DHX29: variants seen among roughly 807,000 people sequenced by gnomAD.
DHX29 encodes the protein ATP-dependent RNA helicase DHX29.
Under a neutral mutation model 167.9 loss-of-function variants are expected in DHX29, and 79 were observed. The ratio of observed to expected loss-of-function variants is 0.47; its 90% CI spans 0.39 to 0.57. The LOEUF is 0.57. DHX29 is among the 20% of genes least tolerant of loss of function. The pLI, the probability that DHX29 is intolerant of heterozygous loss-of-function variation, is 0.00. For synonymous variants in DHX29, 530 were observed against 546.0 expected (o/e 0.97, Z 0.41); for missense variants, 1,347 against 1,593.4 (o/e 0.85, Z 2.63).
intron 1 of DHX29, among the ~76,000 whole-genome samples, chr5:55,304,619 T>G (rs1229249424): frequency 3.3e-5 from 5 of 151,866 alleles, no homozygotes; most frequent in Admixed American, 6.6e-5. Flanking sequence ...TATGATGCCT[T>G]CCTTCCCTGA....
chr5:55,295,786 A>C (rs1424958485), intron 4 of DHX29, among the ~76,000 whole-genome samples: 3 of 152,180 alleles, frequency 2.0e-5, no homozygotes, highest in African/African-American at 7.2e-5. Flanking sequence ...AAATTGTCAT[A>C]AGATCTTAAT....
intron 1 of DHX29, among the ~76,000 whole-genome samples, chr5:55,306,259 A>C (rs949092518): frequency 5.3e-5 from 8 of 152,080 alleles, no homozygotes; most frequent in African/African-American, 1.4e-4. Flanking sequence ...GCGATGCTTT[A>C]TGTTCTGTGA....
chr5:55,293,772 T>G (rs985866863), intron 6 of DHX29, among the ~76,000 whole-genome samples: 3 of 152,222 alleles, frequency 2.0e-5, no homozygotes, highest in Non-Finnish European at 4.4e-5. Context: ...GCATACTCCT[T>G]ACTCATAAAA....
intron 14 of DHX29, 117 bp downstream of exon 14, chr5:55,276,149 C>T: frequency 3.5e-6 from 3 of 848,346 alleles, no homozygotes; most frequent in Middle Eastern, 7.4e-4. Context: ...AGATCTGTTC[C>T]TCATCTATCA....
chr5:55,282,356 C>T (rs1747474920), intron 11 of DHX29, among the ~76,000 whole-genome samples: 1 of 152,034 alleles, frequency 6.6e-6, no homozygotes, highest in African/African-American at 2.4e-5. Flanking sequence ...TGTAACATTC[C>T]CCATCACATT....
intron 22 of DHX29, among the ~76,000 whole-genome samples, chr5:55,267,433 T>A (rs1746635149): frequency 6.6e-6 from 1 of 152,208 alleles, no homozygotes; most frequent in South Asian, 2.1e-4. Flanking sequence ...TTTCCATTTA[T>A]GTTTAACAGT....
chr5:55,279,339 T>A (rs1747279257), intron 12 of DHX29, among the ~76,000 whole-genome samples: 1 of 152,060 alleles, frequency 6.6e-6, no homozygotes. Flanking sequence ...TTATAAAAGA[T>A]GAACAGGGAG....
At chr5:55,290,815 G>A (rs551421654) in intron 6 of DHX29, among the ~76,000 whole-genome samples, 1 of 152,266 alleles carries the variant, frequency 6.6e-6, no homozygotes, top group African/African-American at 2.4e-5. Flanking sequence ...AGGAGTTCGA[G>A]ACCAGCCTGG....
chr5:55,301,671 C>CCATTG (rs993732239), intron 1 of DHX29, among the ~76,000 whole-genome samples: 49 of 145,992 alleles, frequency 3.4e-4, no homozygotes, highest in African/African-American at 1.2e-3. Flanking sequence ...CGAGATTTCG[C>CCATTG]CATTGCACTC....
chr5:55,276,606 C>T (rs1173035801), intron 13 of DHX29, among the ~76,000 whole-genome samples, 200 bp from the exon 14 acceptor site: 1 of 152,038 alleles, frequency 6.6e-6, no homozygotes, highest in East Asian at 1.9e-4. Context: ...GGACAAATTA[C>T]ATTATGAGAT....
At chr5:55,267,025 A>G (rs1746610835) in intron 23 of DHX29, 113 bp downstream of exon 23, 1 of 630,122 alleles carries the variant, frequency 1.6e-6, no homozygotes, top group South Asian at 2.5e-5. Flanking sequence ...AATTCAACAA[A>G]TGTTTACTAA....
chr5:55,303,472 T>C (rs945945607), intron 1 of DHX29, among the ~76,000 whole-genome samples: 10 of 152,204 alleles, frequency 6.6e-5, no homozygotes, highest in African/African-American at 2.4e-4. Context: ...ATTGATGTAG[T>C]CTGAGCAATT....
intron 4 of DHX29, 37 bp from the exon 5 acceptor site, chr5:55,295,561 CAT>C: frequency 6.3e-7 from 1 of 1,590,828 alleles, no homozygotes; most frequent in Non-Finnish European, 8.6e-7. Flanking sequence ...AATAAACAGG[CAT>C]ATGATACATA....
In DHX29 at chr5:55,289,345, C is replaced by T; in HGVS notation, c.991G>A (p.Val331Ile). ...AATGCACTTTCTCCTTCTGTGGCTA[C>T]AGGAGGCTTTTTCCTTTCATTTTGT... ...HQQNERKKPPVATEGESALNF... is the reference protein window; with the variant it reads ...HQQNERKKPPIATEGESALNF... Residue 331 changes from valine to isoleucine, a missense_variant, in exon 8 of 27, where the codon GTA (valine) becomes ATA (isoleucine). Transcript: ENST00000251636. 6.2e-7 allele frequency: 1 copy of T among 1,601,748 alleles called. No individual in the cohort carries two copies. The highest frequency in any genetic ancestry group is 8.5e-7 in the Non-Finnish European group (1 of 1,175,886).
At chr5:55,297,803 C>T (rs918869119) in intron 2 of DHX29, among the ~76,000 whole-genome samples, 2 of 152,120 alleles carry the variant, frequency 1.3e-5, no homozygotes, top group Non-Finnish European at 1.5e-5. Flanking sequence ...ACGGGTATAA[C>T]AAGTAAAACT....
In DHX29 at chr5:55,292,511, T is replaced by C. The variant is rs191649534; in HGVS notation, c.780+1506A>G. 1.9e-3 allele frequency among the ~76,000 whole-genome samples: 293 copies of C among 152,270 alleles called. 2 individuals are homozygous for C. Among genetic ancestry groups the C allele is most frequent in the Non-Finnish European group, 1.3e-3 (91 of 68,020 alleles). On this transcript the variant is annotated intron_variant, in intron 6 of 26. Coordinates refer to ENST00000251636, the MANE Select transcript of DHX29 (RefSeq NM_019030.4). ...AAATTGCTCTAAACATCACTCAATA[T>C]TCCAAACCACCTCGAATGCTACTAA...
intron 12 of DHX29, among the ~76,000 whole-genome samples, chr5:55,280,543 A>G (rs1747349654): frequency 6.6e-6 from 1 of 152,174 alleles, no homozygotes; most frequent in Admixed American, 6.5e-5. Context: ...CAAAGCCACA[A>G]TGTGACACCT....
chr5:55,307,363 C>G, intron 1 of DHX29, 24 bp downstream of exon 1: 1 of 1,603,394 alleles, frequency 6.2e-7, no homozygotes, highest in Non-Finnish European at 8.5e-7. Context: ...GGCAGACAGC[C>G]AGGGGCTGGG....
intron 1 of DHX29, among the ~76,000 whole-genome samples, chr5:55,301,699 G>C (rs1748608669): frequency 1.7e-5 from 2 of 115,310 alleles, no homozygotes; most frequent in Admixed American, 1.1e-4. Context: ...GGCAACAAGA[G>C]TGAAACTCCA....
Sources: gnomAD v4.1 joint callset for allele counts (sites outside exome capture counted in the v4.1 genomes callset) on GRCh38, gnomAD v4.1.1 for gene constraint, MANE v1.5 for transcripts, NCBI Gene and HGNC (gene_info 2026-07-23, HGNC 2026-07-21) for gene names.